The following STAG1 variants were observed in gnomAD, a reference collection of about 807,000 sequenced individuals.
STAG1 encodes the protein cohesin subunit SA-1.
A neutral mutation model predicts 170.9 loss-of-function variants in STAG1; 26 were observed. The ratio of observed to expected loss-of-function variants is 0.15; its 90% CI spans 0.11 to 0.21. The LOEUF (loss-of-function observed/expected upper bound fraction) is 0.21, where lower values mean the gene tolerates loss of function less well. Among genes scored for constraint, STAG1 ranks in the 10% least tolerant of loss-of-function variants. The probability of loss-of-function intolerance (pLI) is 1.00; values close to 1 mark genes in which losing one functional copy is unlikely to be tolerated. For missense variants in STAG1, 964 were observed against 1,509.5 expected, an observed-to-expected ratio of 0.64 and a Z score of 5.99; for synonymous variants, 514 against 497.7, an observed-to-expected ratio of 1.03 and a Z score of -0.44.
At chr3:136,559,282 T>C (rs1936747101) in intron 5 of STAG1, among the ~76,000 whole-genome samples, 1 of 152,070 alleles carries the variant, frequency 6.6e-6, no homozygotes, top group Admixed American at 6.6e-5. Flanking sequence ...ATCCCCCAGA[T>C]GCAGATACTA....
intron 1 of STAG1, among the ~76,000 whole-genome samples, chr3:136,705,378 A>AACACAC (rs3066789): frequency 1.7e-3 from 242 of 143,298 alleles, no homozygotes; most frequent in East Asian, 3.5e-3. Flanking sequence ...ATGATCATCA[A>AACACAC]ACACACACAC....
chr3:136,533,373 T>A lies in STAG1; in HGVS notation c.471+8746A>T, dbSNP rs1023442525. Among the ~76,000 whole-genome samples, 3 of 152,152 alleles carry A rather than the reference T, an allele frequency of 2.0e-5. No individual in the cohort carries two copies. The East Asian group carries it at 5.8e-4, about 29-fold the overall frequency. ...GTTGGTAAAATGACTGTGTCGCCTT[T>A]TTTTTATTTTTATTTTTTGCATTAC... On this transcript the variant is annotated intron_variant, in intron 6 of 33. Coordinates refer to ENST00000383202, the MANE Select transcript of STAG1 (RefSeq NM_005862.3).
chr3:136,749,016 G>A (rs1346352724), intron 1 of STAG1, among the ~76,000 whole-genome samples: 1 of 152,162 alleles, frequency 6.6e-6, no homozygotes, highest in East Asian at 1.9e-4. Context: ...AGAGGTAAAT[G>A]TGAAGATACT....
intron 1 of STAG1, among the ~76,000 whole-genome samples, chr3:136,692,616 C>T (rs1403657112): frequency 1.3e-5 from 2 of 150,226 alleles, no homozygotes; most frequent in Admixed American, 6.6e-5. Flanking sequence ...GCCTGGGGAA[C>T]AAAGCAAGAC....
chr3:136,601,633 G>A (rs1268420667), intron 4 of STAG1, among the ~76,000 whole-genome samples: 3 of 152,078 alleles, frequency 2.0e-5, no homozygotes, highest in Admixed American at 1.3e-4. Context: ...TGGCCAACAC[G>A]GTGAAAGCCT....
intron 1 of STAG1, among the ~76,000 whole-genome samples, chr3:136,669,660 A>T (rs1245659880): frequency 6.6e-6 from 1 of 152,152 alleles, no homozygotes. Flanking sequence ...CACTCAAGAC[A>T]TATTTTCTAT....
At chr3:136,592,243 C>T (rs1938220719) in intron 4 of STAG1, among the ~76,000 whole-genome samples, 1 of 152,174 alleles carries the variant, frequency 6.6e-6, no homozygotes, top group Non-Finnish European at 1.5e-5. Context: ...CCATAATCCC[C>T]ATGTGTCATG....
chr3:136,600,871 T>A (rs1468337265), intron 4 of STAG1, among the ~76,000 whole-genome samples: 1 of 996 alleles, frequency 1.0e-3, no homozygotes, highest in African/African-American at 6.2e-3. Context: ...TGTTTGTTTG[T>A]TTTGTTTTGT....
intron 1 of STAG1, among the ~76,000 whole-genome samples, chr3:136,744,673 CT>C (rs34241550): frequency 0.21 from 24,993 of 117,022 alleles, 1,408 homozygotes; most frequent in Middle Eastern, 0.25. Flanking sequence ...CTGCAACCAT[CT>C]TTTTTTTTTT....
chr3:136,623,849 G>T (rs1156895928), intron 2 of STAG1, among the ~76,000 whole-genome samples: 3 of 151,960 alleles, frequency 2.0e-5, no homozygotes, highest in African/African-American at 7.3e-5. Flanking sequence ...CATCTACTCA[G>T]GAGGTTGAGG....
chr3:136,579,958 A>ATTTTTTTTTTTTTTTTTTTTTTTTTTTT (rs749325884), intron 4 of STAG1, among the ~76,000 whole-genome samples: 2 of 73,646 alleles, frequency 2.7e-5, no homozygotes, highest in Non-Finnish European at 4.9e-5. Flanking sequence ...TACCATCTGA[A>ATTTTTTTTTTTTTTTTTTTTTTTTTTTT]TTTTTTTTTT....
At chr3:136,466,834 G>C (rs1382255435) in intron 12 of STAG1, among the ~76,000 whole-genome samples, 1 of 152,216 alleles carries the variant, frequency 6.6e-6, no homozygotes, top group Non-Finnish European at 1.5e-5. Flanking sequence ...CCAGAAGAGA[G>C]TGGAAGCCAA....
At chr3:136,445,135 T>A (rs1194953770) in intron 14 of STAG1, among the ~76,000 whole-genome samples, 1 of 152,036 alleles carries the variant, frequency 6.6e-6, no homozygotes, top group Non-Finnish European at 1.5e-5. Flanking sequence ...ATTCAGTACT[T>A]CATTTCGACT....
chr3:136,425,936 C>T (rs1161644017), intron 16 of STAG1, among the ~76,000 whole-genome samples: 2 of 151,334 alleles, frequency 1.3e-5, no homozygotes, highest in Non-Finnish European at 2.9e-5. Flanking sequence ...ACCATTAGCA[C>T]TGTCATTCTT....
intron 13 of STAG1, among the ~76,000 whole-genome samples, chr3:136,462,219 C>G (rs1240456354): frequency 6.6e-6 from 1 of 152,048 alleles, no homozygotes; most frequent in East Asian, 1.9e-4. Flanking sequence ...AAAAAATCAG[C>G]ATATCAAAGA....
At chr3:136,362,388 G>A (rs1936903043) in intron 26 of STAG1, among the ~76,000 whole-genome samples, 1 of 151,880 alleles carries the variant, frequency 6.6e-6, no homozygotes, top group African/African-American at 2.4e-5. Context: ...TGTTATGTAG[G>A]ACTGAAAATA....
At chr3:136,410,893 G>C (rs112120993) in intron 21 of STAG1, among the ~76,000 whole-genome samples, 5 of 151,884 alleles carry the variant, frequency 3.3e-5, no homozygotes, top group African/African-American at 9.7e-5. Context: ...AGAATCTCTT[G>C]AAAATACAAA....
At chr3:136,440,905 C>G (rs2088611229) in intron 15 of STAG1, among the ~76,000 whole-genome samples, 3 of 151,928 alleles carry the variant, frequency 2.0e-5, no homozygotes, top group African/African-American at 7.3e-5. Flanking sequence ...CGGAGGATTG[C>G]TTAAGCTGGG....
At chr3:136,682,059 A>C (rs1324382213) in intron 1 of STAG1, among the ~76,000 whole-genome samples, 1 of 152,180 alleles carries the variant, frequency 6.6e-6, no homozygotes, top group African/African-American at 2.4e-5. Flanking sequence ...AAAAACATCC[A>C]AATTTTAAAA....
Sources: gnomAD v4.1 joint callset for allele counts (sites outside exome capture counted in the v4.1 genomes callset) on GRCh38, gnomAD v4.1.1 for gene constraint, MANE v1.5 for transcripts, NCBI Gene and HGNC (gene_info 2026-07-23, HGNC 2026-07-21) for gene names.